The following PTPN9 variants were observed in gnomAD, a reference collection of about 807,000 sequenced individuals.
The protein encoded by PTPN9 is protein tyrosine phosphatase non-receptor type 9.
A neutral mutation model predicts 69.8 loss-of-function variants in PTPN9; 26 were observed. That is an observed-to-expected ratio of 0.37 (90% CI 0.27 to 0.52). The LOEUF (loss-of-function observed/expected upper bound fraction) is 0.52. PTPN9 is among the 20% of genes least tolerant of loss of function. The probability of loss-of-function intolerance (pLI) is 0.91; values close to 1 mark genes in which losing one functional copy is unlikely to be tolerated. For missense variants in PTPN9, 549 were observed against 740.3 expected, an observed-to-expected ratio of 0.74 and a Z score of 3.00; for synonymous variants, 274 against 272.5, an observed-to-expected ratio of 1.01 and a Z score of -0.05.
chr15:75,480,403 G>A (rs1020521521), intron 8 of PTPN9, among the ~76,000 whole-genome samples: 3 of 152,104 alleles, frequency 2.0e-5, no homozygotes, highest in Non-Finnish European at 2.9e-5. Context: ...AGGAGATCGA[G>A]ACCATCCTGG....
At chr15:75,495,666 G>A (rs543050083) in intron 7 of PTPN9, among the ~76,000 whole-genome samples, 2 of 152,068 alleles carry the variant, frequency 1.3e-5, no homozygotes, top group East Asian at 1.9e-4. Context: ...GCAGTGAGCC[G>A]AGATCGCGCC....
chr15:75,542,036 A>AAAAATAAAATAAAATAAAAT (rs138310273), intron 1 of PTPN9, among the ~76,000 whole-genome samples: 3 of 149,700 alleles, frequency 2.0e-5, no homozygotes, highest in African/African-American at 7.5e-5. Flanking sequence ...ATGCCATCTC[A>AAAAATAAAATAAAATAAAAT]AAAATAAAAT....
chr15:75,485,956 T>C (rs572047918), intron 8 of PTPN9, among the ~76,000 whole-genome samples: 15 of 151,346 alleles, frequency 9.9e-5, no homozygotes, highest in South Asian at 2.1e-4. Flanking sequence ...AAAAATTAGC[T>C]GGGTGTGGTG....
intron 6 of PTPN9, among the ~76,000 whole-genome samples, chr15:75,508,200 G>A (rs928851818): frequency 1.3e-5 from 2 of 152,158 alleles, no homozygotes; most frequent in South Asian, 4.1e-4. Flanking sequence ...CATGGAACAC[G>A]CAGGAGATTA....
At chr15:75,530,454 A>T (rs1195476469) in intron 1 of PTPN9, among the ~76,000 whole-genome samples, 1 of 102,928 alleles carries the variant, frequency 9.7e-6, no homozygotes, top group Non-Finnish European at 1.8e-5. Flanking sequence ...TATTATTATA[A>T]TAAAATATAT....
At chr15:75,515,176 C>A (rs1323823321) in intron 5 of PTPN9, among the ~76,000 whole-genome samples, 1 of 152,122 alleles carries the variant, frequency 6.6e-6, no homozygotes, top group African/African-American at 2.4e-5. Flanking sequence ...GCCTGTAATC[C>A]CAGCACTTTG....
Position 75,500,310 on chromosome 15 carries a change from AAAAT to A in PTPN9, c.968+5361_968+5364del, listed in dbSNP as rs577876977. Among the ~76,000 whole-genome samples, 18 of 151,324 alleles carry A rather than the reference AAAAT, an allele frequency of 1.2e-4. No homozygotes were observed. The South Asian group carries it at 1.3e-3, about 11-fold the overall frequency. Reference sequence around the variant, plus strand: ...CTGGCCGAGAGTGAGACTCTGTCTCAAAATAAATAAATAAATAAATAAACAAACA... The same window carrying A: ...CTGGCCGAGAGTGAGACTCTGTCTCAAAATAAATAAATAAATAAACAAACA... On this transcript the variant is annotated intron_variant, in intron 7 of 12. Transcript: ENST00000618819.
intron 9 of PTPN9, among the ~76,000 whole-genome samples, chr15:75,476,472 G>A (rs909940163): frequency 2.0e-5 from 3 of 152,172 alleles, no homozygotes; most frequent in East Asian, 1.9e-4. Flanking sequence ...GCACCACTAC[G>A]CTCGGCTACT....
At chr15:75,517,179 AAATCTTTTCCCAAAG>A in intron 5 of PTPN9, 65 bp downstream of exon 5, 2 of 1,071,840 alleles carry the variant, frequency 1.9e-6, no homozygotes, top group Non-Finnish European at 1.3e-6. Flanking sequence ...CATCTTTCCT[AAATCTTTTCCCAAAG>A]AATTAAAAAA....
chr15:75,559,135 C>A (rs1358037542), intron 1 of PTPN9, among the ~76,000 whole-genome samples: 1 of 151,532 alleles, frequency 6.6e-6, no homozygotes, highest in African/African-American at 2.4e-5. Context: ...GCGCCTCTGC[C>A]CCGCCGCCCC....
chr15:75,511,867 AAT>A (rs960164676), intron 5 of PTPN9, among the ~76,000 whole-genome samples: 2 of 117,268 alleles, frequency 1.7e-5, no homozygotes, highest in African/African-American at 3.9e-5. Context: ...GACTCACTTT[AAT>A]ATTTTTTTTT....
At chr15:75,530,968 A>G (rs537723204) in intron 1 of PTPN9, among the ~76,000 whole-genome samples, 55 of 132,820 alleles carry the variant, frequency 4.1e-4, no homozygotes, top group Non-Finnish European at 8.0e-4. Flanking sequence ...ATATATAAGA[A>G]AAATAAAGAG....
At chr15:75,530,338 A>G (rs2074949583) in intron 1 of PTPN9, among the ~76,000 whole-genome samples, 1 of 139,536 alleles carries the variant, frequency 7.2e-6, no homozygotes, top group Non-Finnish European at 1.5e-5. Flanking sequence ...ATTCAAGATC[A>G]GCCTGGCCAA....
At chr15:75,524,186 A>G (rs1385148940) in intron 3 of PTPN9, 23 bp downstream of exon 3, 1 of 1,486,468 alleles carries the variant, frequency 6.7e-7, no homozygotes, top group Non-Finnish European at 9.3e-7. Context: ...AAGGCCCTAC[A>G]AGATAGGTCC....
intron 7 of PTPN9, among the ~76,000 whole-genome samples, chr15:75,493,492 A>G (rs2074722686): frequency 6.6e-6 from 1 of 152,072 alleles, no homozygotes; most frequent in African/African-American, 2.4e-5. Flanking sequence ...CAGGCACAGT[A>G]GCTCATGCCT....
intron 10 of PTPN9, among the ~76,000 whole-genome samples, chr15:75,473,348 C>A (rs1205786207): frequency 5.9e-5 from 9 of 152,130 alleles, no homozygotes; most frequent in Admixed American, 5.9e-4. Flanking sequence ...CTCCTGGGTT[C>A]AAGTGATTCT....
chr15:75,474,214 C>T (rs1031532413), intron 9 of PTPN9, among the ~76,000 whole-genome samples: 6 of 152,146 alleles, frequency 3.9e-5, no homozygotes, highest in Non-Finnish European at 5.9e-5. Context: ...ACTAAGTCTC[C>T]TCCTTCAAAA....
intron 7 of PTPN9, among the ~76,000 whole-genome samples, chr15:75,503,573 C>CAT (rs2074788843): frequency 1.0e-5 from 1 of 100,402 alleles, no homozygotes; most frequent in Admixed American, 1.0e-4. Flanking sequence ...CCCGGCCAGC[C>CAT]GCTCCGTCCG....
intron 4 of PTPN9, among the ~76,000 whole-genome samples, chr15:75,522,579 A>AT (rs933293641): frequency 1.3e-5 from 2 of 151,588 alleles, no homozygotes; most frequent in Non-Finnish European, 2.9e-5. Context: ...AATTTTTTGT[A>AT]TTTTTTATCA....
Sources: allele counts gnomAD v4.1 joint callset (sites outside exome capture counted in the v4.1 genomes callset), GRCh38; gene constraint gnomAD v4.1.1; transcripts MANE v1.5; gene names NCBI Gene and HGNC (gene_info 2026-07-23, HGNC 2026-07-21).